Variants in ZNF804B observed in about 807,000 individuals in gnomAD.
ZNF804B encodes zinc finger protein 804B.
ZNF804B carries 80 observed loss-of-function variants against 101.4 expected under a neutral mutation model. The ratio of observed to expected loss-of-function variants is 0.79; its 90% confidence interval spans 0.66 to 0.95. The LOEUF is 0.95. ZNF804B is among the 40% of genes least tolerant of loss of function. ZNF804B has a pLI of 0.00. For synonymous variants in ZNF804B, 622 were observed against 558.8 expected, an observed-to-expected ratio of 1.11 and a Z score of -1.59; for missense variants, 1,673 against 1,561.9, an observed-to-expected ratio of 1.07 and a Z score of -1.20.
intron 1 of ZNF804B, among the ~76,000 whole-genome samples, chr7:89,080,480 C>G (rs1789680327): frequency 6.6e-6 from 1 of 151,892 alleles, no homozygotes; most frequent in Non-Finnish European, 1.5e-5. Flanking sequence ...GTTCTGAGAG[C>G]AGGAGAACCT....
At chr7:89,175,992 A>G (rs1050896965) in intron 1 of ZNF804B, among the ~76,000 whole-genome samples, 3 of 152,056 alleles carry the variant, frequency 2.0e-5, no homozygotes, top group Non-Finnish European at 4.4e-5. Context: ...ATATAAGATC[A>G]TATCATCTGA....
chr7:89,004,857 T>C (rs956216068), intron 1 of ZNF804B, among the ~76,000 whole-genome samples: 2 of 151,944 alleles, frequency 1.3e-5, no homozygotes, highest in African/African-American at 4.8e-5. Flanking sequence ...ACTGTAATAT[T>C]TGCATTTCTG....
At position 88,854,524 on chromosome 7, in the gene ZNF804B, T is replaced by TTCCTTCCCTTC. The variant is rs1562812887; in HGVS notation, c.108+94440_108+94441insTCCTTCCCTTC. Among the ~76,000 whole-genome samples the TTCCTTCCCTTC allele has an allele frequency of 2.1e-4, 14 of 66,128 alleles. 1 individual carries two copies. The highest frequency in any genetic ancestry group is 9.6e-4 in the African/African-American group (12 of 12,506). 43.4% of individuals were successfully genotyped at this position (66,128 alleles called of 152,430 possible). ...TTCCTTTCCTTTCCTTTCCTTTCCTTCCTTTCCTTCCTTCCTTCCTTCCTT... is the reference window on the plus strand; with the variant it reads ...TTCCTTTCCTTTCCTTTCCTTTCCTTTCCTTCCCTTCCCTTTCCTTCCTTCCTTCCTTCCTT... On this transcript the variant is annotated intron_variant, in intron 1 of 3. Coordinates refer to ENST00000333190, the MANE Select transcript of ZNF804B (RefSeq NM_181646.5).
chr7:88,809,019 C>A (rs1252861544), intron 1 of ZNF804B, among the ~76,000 whole-genome samples: 4 of 152,112 alleles, frequency 2.6e-5, no homozygotes, highest in Admixed American at 6.5e-5. Context: ...AGATAAAATT[C>A]TTTTAACTCT....
chr7:89,093,745 T>C (rs1336288217), intron 1 of ZNF804B, among the ~76,000 whole-genome samples: 2 of 152,256 alleles, frequency 1.3e-5, no homozygotes, highest in Non-Finnish European at 2.9e-5. Context: ...CAAATTATTT[T>C]GCAGGTTTCC....
At chr7:88,768,711 C>G (rs1473846266) in intron 1 of ZNF804B, among the ~76,000 whole-genome samples, 2 of 152,190 alleles carry the variant, frequency 1.3e-5, no homozygotes, top group African/African-American at 4.8e-5. Context: ...GAGTGAGACT[C>G]TGTCTCAGAA....
chr7:89,040,710 C>T (rs1239871559), intron 1 of ZNF804B, among the ~76,000 whole-genome samples: 1 of 152,108 alleles, frequency 6.6e-6, no homozygotes, highest in Non-Finnish European at 1.5e-5. Context: ...GCATTGGTGT[C>T]TGTGGTTTTA....
intron 1 of ZNF804B, among the ~76,000 whole-genome samples, chr7:88,973,826 T>G (rs1196768387): frequency 1.3e-5 from 2 of 151,446 alleles, no homozygotes; most frequent in African/African-American, 4.8e-5. Context: ...TAGCTGTTTA[T>G]GTATTAAATG....
chr7:88,827,811 C>G (rs1273368466), intron 1 of ZNF804B, among the ~76,000 whole-genome samples: 2 of 152,074 alleles, frequency 1.3e-5, no homozygotes, highest in Admixed American at 1.3e-4. Flanking sequence ...TCCTTTCTTT[C>G]TCCACTGATT....
chr7:89,305,570 A>T (rs928811977), intron 2 of ZNF804B, among the ~76,000 whole-genome samples: 16 of 151,928 alleles, frequency 1.1e-4, no homozygotes, highest in Admixed American at 9.2e-4. Context: ...TTATTAAATG[A>T]CTGCATTATA....
intron 1 of ZNF804B, among the ~76,000 whole-genome samples, chr7:88,873,056 C>G (rs956456896): frequency 6.6e-6 from 1 of 151,860 alleles, no homozygotes; most frequent in Admixed American, 6.6e-5. Context: ...CTGACTTCCA[C>G]AATGGTTGAA....
At chr7:88,890,177 C>T (rs1792194568) in intron 1 of ZNF804B, among the ~76,000 whole-genome samples, 1 of 152,094 alleles carries the variant, frequency 6.6e-6, no homozygotes, top group Non-Finnish European at 1.5e-5. Flanking sequence ...AACACCTTCA[C>T]ATAAGTCCAA....
chr7:88,795,048 T>G (rs1790457597), intron 1 of ZNF804B: 1 of 943,432 alleles, frequency 1.1e-6, no homozygotes, highest in South Asian at 2.7e-5. Flanking sequence ...TTATTTCTTC[T>G]GACAAAAAAA....
At chr7:89,124,407 G>A (rs975380963) in intron 1 of ZNF804B, among the ~76,000 whole-genome samples, 1 of 152,142 alleles carries the variant, frequency 6.6e-6, no homozygotes, top group Non-Finnish European at 1.5e-5. Flanking sequence ...ATGAGTGAAA[G>A]CATATACAAA....
intron 1 of ZNF804B, among the ~76,000 whole-genome samples, chr7:88,814,564 C>T (rs1447000303): frequency 6.6e-6 from 1 of 151,682 alleles, no homozygotes; most frequent in African/African-American, 2.4e-5. Flanking sequence ...GTTGAGGCAA[C>T]TTAGTTCATT....
intron 1 of ZNF804B, among the ~76,000 whole-genome samples, chr7:88,906,096 G>A (rs190053538): frequency 5.8e-4 from 88 of 151,868 alleles, no homozygotes; most frequent in African/African-American, 2.0e-3. Context: ...AAGATCTTTT[G>A]TATTTCTGTA....
chr7:88,875,968 A>C (rs1374041231), intron 1 of ZNF804B, among the ~76,000 whole-genome samples: 1 of 152,150 alleles, frequency 6.6e-6, no homozygotes, highest in East Asian at 1.9e-4. Context: ...CACTGTGAGC[A>C]AGTGGGCTTC....
chr7:89,259,139 T>G (rs528726407), intron 2 of ZNF804B, among the ~76,000 whole-genome samples: 1 of 152,316 alleles, frequency 6.6e-6, no homozygotes, highest in South Asian at 2.1e-4. Flanking sequence ...GTCAGTTTTG[T>G]TTTCTGGCAC....
At chr7:89,190,462 TG>T (rs1788440250) in intron 1 of ZNF804B, among the ~76,000 whole-genome samples, 1 of 152,086 alleles carries the variant, frequency 6.6e-6, no homozygotes, top group African/African-American at 2.4e-5. Flanking sequence ...GCAAAGAAAG[TG>T]GTTTCTTGAC....
Sources: gnomAD v4.1 joint callset for allele counts (sites outside exome capture counted in the v4.1 genomes callset) on GRCh38, gnomAD v4.1.1 for gene constraint, MANE v1.5 for transcripts, NCBI Gene and HGNC (gene_info 2026-07-23, HGNC 2026-07-21) for gene names.